The following PARD3B variants were observed in gnomAD, a reference collection of about 807,000 sequenced individuals.
The protein encoded by PARD3B is partitioning defective 3 homolog B.
PARD3B carries 103 observed loss-of-function variants against 130.2 expected under a neutral mutation model. The observed-to-expected ratio is 0.79, with a 90% confidence interval of 0.67 to 0.93. The LOEUF (loss-of-function observed/expected upper bound fraction) is 0.93, where lower values mean the gene tolerates loss of function less well. Among genes scored for constraint, PARD3B ranks in the 40% least tolerant of loss-of-function variants. The pLI is 0.00. For missense variants in PARD3B, 1,609 were observed against 1,499.2 expected (o/e 1.07, Z -1.21); for synonymous variants, 583 against 553.2 (o/e 1.05, Z -0.76).
Position 204,985,120 on chromosome 2 carries a change from C to T in PARD3B, c.394+19797C>T, listed in dbSNP as rs574790987. ...CTAACTTAGTCTGTCTCTTTCTCTTCTTTCCATTTCTCCTCCTTTTTCTTC... is the reference window on the plus strand; with the variant it reads ...CTAACTTAGTCTGTCTCTTTCTCTTTTTTCCATTTCTCCTCCTTTTTCTTC... On this transcript the variant is annotated intron_variant, in intron 3 of 22. Coordinates refer to ENST00000406610, the MANE Select transcript of PARD3B (RefSeq NM_001302769.2). Among the ~76,000 whole-genome samples the T allele has an allele frequency of 5.9e-5, 9 of 152,224 alleles. No homozygotes were observed. In the South Asian group the frequency reaches 1.9e-3, roughly 32 times the overall value.
chr2:205,491,574 T>A (rs893793604), intron 20 of PARD3B, among the ~76,000 whole-genome samples: 3 of 152,198 alleles, frequency 2.0e-5, no homozygotes, highest in Non-Finnish European at 4.4e-5. Context: ...TTGCTTAGGA[T>A]TGACTTGGCA....
chr2:205,529,300 T>C (rs2106424443), intron 21 of PARD3B, among the ~76,000 whole-genome samples: 1 of 152,340 alleles, frequency 6.6e-6, no homozygotes, highest in Admixed American at 6.5e-5. Flanking sequence ...ACTGCTGAAA[T>C]ACACACTTGA....
intron 2 of PARD3B, among the ~76,000 whole-genome samples, chr2:204,818,266 A>G (rs1428776523): frequency 6.6e-6 from 1 of 152,218 alleles, no homozygotes; most frequent in Non-Finnish European, 1.5e-5. Context: ...TTGTTCACCT[A>G]TAATCCTCAG....
At chr2:205,206,377 C>G (rs2037311440) in intron 15 of PARD3B, among the ~76,000 whole-genome samples, 1 of 147,270 alleles carries the variant, frequency 6.8e-6, no homozygotes, top group East Asian at 2.0e-4. Flanking sequence ...TCCCCCAACC[C>G]CACAACAGTC....
intron 21 of PARD3B, 36 bp downstream of exon 21, chr2:205,500,067 C>G (rs11683289): frequency 0.54 from 859,319 of 1,602,350 alleles, 238,606 homozygotes; most frequent in Middle Eastern, 0.63. Flanking sequence ...TTGAATTCAT[C>G]TTTTCTAAGA....
chr2:205,534,934 A>C (rs1204904163), intron 21 of PARD3B, among the ~76,000 whole-genome samples: 1 of 152,194 alleles, frequency 6.6e-6, no homozygotes, highest in Non-Finnish European at 1.5e-5. Context: ...GAGATGGCCA[A>C]TTATTTCATT....
intron 16 of PARD3B, among the ~76,000 whole-genome samples, chr2:205,299,577 A>AT (rs1259927127): frequency 2.9e-4 from 1 of 3,408 alleles, no homozygotes; most frequent in African/African-American, 9.3e-4. Context: ...ATATATATAT[A>AT]ATATATATAT....
intron 18 of PARD3B, 52 bp from the exon 19 acceptor site, chr2:205,400,961 C>G (rs759386427): frequency 8.8e-6 from 12 of 1,362,108 alleles, no homozygotes; most frequent in Non-Finnish European, 1.2e-5. Context: ...TTAGCTCTAC[C>G]GCAAAAACAA....
intron 18 of PARD3B, among the ~76,000 whole-genome samples, chr2:205,308,888 G>A (rs945517202): frequency 2.6e-5 from 4 of 152,184 alleles, no homozygotes; most frequent in Admixed American, 6.5e-5. Context: ...CCAAATTGTA[G>A]TAGGTGCTAT....
intron 2 of PARD3B, among the ~76,000 whole-genome samples, chr2:204,784,072 T>A (rs920718560): frequency 6.6e-6 from 1 of 152,142 alleles, no homozygotes; most frequent in East Asian, 1.9e-4. Context: ...GATGTTGTGA[T>A]ACTAAAATGA....
rs2031280382 is a variant in PARD3B at position 205,125,590 on chromosome 2, A to G, written c.1306-19A>G. The G allele has an allele frequency of 1.2e-6, 2 of 1,612,798 alleles. No homozygotes were observed. The highest frequency in any genetic ancestry group is 2.2e-5 in the East Asian group (1 of 44,844). The stretch of plus-strand genomic sequence containing the variant: ...ACAAGTATTGTGATTGTGGCTGTTC[A>G]TATGCTTTTATTCATTAGGTAAATG... On this transcript the variant is annotated intron_variant, in intron 9 of 22. Coordinates refer to ENST00000406610, the MANE Select transcript of PARD3B (RefSeq NM_001302769.2). The surrounding 1 kb of genome is among the most constrained non-coding windows in gnomAD (Gnocchi z 4.0).
intron 16 of PARD3B, among the ~76,000 whole-genome samples, chr2:205,251,601 TGA>T (rs927890565): frequency 7.2e-5 from 11 of 152,324 alleles, no homozygotes; most frequent in South Asian, 2.1e-4. Context: ...TAAATTGTGT[TGA>T]GTCTTATTAT....
In PARD3B at chr2:205,119,055, T is replaced by G; in HGVS notation, c.806+9T>G. The G allele has an allele frequency of 1.3e-6, 2 of 1,594,396 alleles. No individual in the cohort carries two copies. Among genetic ancestry groups the G allele is most frequent in the Non-Finnish European group, 1.7e-6 (2 of 1,172,802 alleles). On this transcript the variant is annotated intron_variant, in intron 7 of 22. Transcript: ENST00000406610. ...GACAAAACCTTTGCTCAGTAAGCATTTTTTCATTGTTTTATTTACTTTCTT... is the reference window on the plus strand; with the variant it reads ...GACAAAACCTTTGCTCAGTAAGCATGTTTTCATTGTTTTATTTACTTTCTT...
At chr2:205,540,671 A>C (rs2052086252) in intron 21 of PARD3B, among the ~76,000 whole-genome samples, 1 of 152,206 alleles carries the variant, frequency 6.6e-6, no homozygotes, top group African/African-American at 2.4e-5. Flanking sequence ...TCAGGATGCA[A>C]AAATCATTGC....
intron 1 of PARD3B, among the ~76,000 whole-genome samples, chr2:204,555,805 T>A (rs1312017696): frequency 6.6e-6 from 1 of 152,188 alleles, no homozygotes; most frequent in Non-Finnish European, 1.5e-5. Flanking sequence ...TTTCTCTCAG[T>A]TATCCACCTA....
At chr2:204,616,543 T>C (rs905590048) in intron 1 of PARD3B, among the ~76,000 whole-genome samples, 3 of 152,174 alleles carry the variant, frequency 2.0e-5, no homozygotes, top group African/African-American at 7.2e-5. Flanking sequence ...ACAGCCACTT[T>C]GGAAGACAGT....
At chr2:204,591,566 G>A (rs1191515758) in intron 1 of PARD3B, among the ~76,000 whole-genome samples, 2 of 152,170 alleles carry the variant, frequency 1.3e-5, no homozygotes, top group Non-Finnish European at 2.9e-5. Context: ...TAACTGTTTG[G>A]CTCATCAGTA....
intron 18 of PARD3B, among the ~76,000 whole-genome samples, chr2:205,354,163 T>C (rs1043492269): frequency 6.7e-6 from 1 of 149,654 alleles, no homozygotes; most frequent in Admixed American, 6.7e-5. Flanking sequence ...CTCAGCCTCC[T>C]GAGTAGCTGG....
intron 1 of PARD3B, among the ~76,000 whole-genome samples, chr2:204,659,067 G>A (rs548932834): frequency 3.3e-5 from 5 of 152,214 alleles, no homozygotes; most frequent in African/African-American, 1.2e-4. Context: ...AGCTATAGTA[G>A]CAGTCTAGAT....
Sources: gnomAD v4.1 joint callset for allele counts (sites outside exome capture counted in the v4.1 genomes callset) on GRCh38, gnomAD v4.1.1 for gene constraint, Gnocchi (gnomAD v3.1) non-coding constraint, MANE v1.5 for transcripts, NCBI Gene and HGNC (gene_info 2026-07-23, HGNC 2026-07-21) for gene names.